EXOC4: variants seen among roughly 807,000 people sequenced by gnomAD.
EXOC4 encodes the protein exocyst complex component 4.
In EXOC4, 71 loss-of-function variants were observed where a neutral mutation model predicts 107.2. That is an observed-to-expected ratio of 0.66 (90% CI 0.55 to 0.81). The LOEUF is 0.81. Ranked by LOEUF, EXOC4 falls within the 30% of genes least tolerant of loss-of-function variation. EXOC4 has a pLI of 0.00. For synonymous variants in EXOC4, 456 were observed against 441.2 expected (o/e 1.03, Z -0.42); for missense variants, 1,108 against 1,189.6 (o/e 0.93, Z 1.01).
At chr7:133,990,768 T>C (rs1174798588) in intron 14 of EXOC4, among the ~76,000 whole-genome samples, 2 of 152,204 alleles carry the variant, frequency 1.3e-5, no homozygotes, top group Non-Finnish European at 2.9e-5. Flanking sequence ...TTTTATTCTT[T>C]TTATGGGTGA....
At chr7:133,782,742 G>A (rs1234941637) in intron 10 of EXOC4, among the ~76,000 whole-genome samples, 1 of 152,102 alleles carries the variant, frequency 6.6e-6, no homozygotes, top group South Asian at 2.1e-4. Flanking sequence ...AATGTTCCTC[G>A]GACCCGGGTA....
intron 10 of EXOC4, among the ~76,000 whole-genome samples, chr7:133,726,125 T>TA (rs937828234): frequency 1.3e-5 from 2 of 152,128 alleles, no homozygotes; most frequent in African/African-American, 4.8e-5. Flanking sequence ...TTGATAGTTA[T>TA]AAAAAATGGT....
chr7:133,403,328 G>A (rs189908373), intron 7 of EXOC4, among the ~76,000 whole-genome samples: 1 of 152,208 alleles, frequency 6.6e-6, no homozygotes, highest in African/African-American at 2.4e-5. Context: ...GACCCTTAAG[G>A]GACTGTAGTC....
intron 14 of EXOC4, among the ~76,000 whole-genome samples, chr7:133,970,724 A>G (rs1204158648): frequency 4.6e-5 from 7 of 151,970 alleles, no homozygotes; most frequent in African/African-American, 1.7e-4. Flanking sequence ...TCAGTTGGAA[A>G]TGCAGAAATC....
intron 10 of EXOC4, among the ~76,000 whole-genome samples, chr7:133,754,239 C>G (rs190790400): frequency 6.6e-6 from 1 of 152,148 alleles, no homozygotes; most frequent in Non-Finnish European, 1.5e-5. Context: ...CCCTGGGCAG[C>G]TGGCGATGGC....
intron 14 of EXOC4, among the ~76,000 whole-genome samples, chr7:133,941,840 T>TCTCTCTCTCTCA (rs1800437655): frequency 6.6e-6 from 1 of 151,858 alleles, no homozygotes; most frequent in South Asian, 2.1e-4. Context: ...TCTCTCTCTC[T>TCTCTCTCTCTCA]CTCTCTCTCT....
intron 14 of EXOC4, among the ~76,000 whole-genome samples, chr7:133,953,490 A>T (rs111931769): frequency 2.0e-3 from 264 of 134,146 alleles, no homozygotes; most frequent in African/African-American, 5.1e-3. Context: ...ACAAAAAAAA[A>T]TTTTTTTTTA....
chr7:134,059,191 G>A (rs1318547584), intron 17 of EXOC4, among the ~76,000 whole-genome samples: 1 of 152,138 alleles, frequency 6.6e-6, no homozygotes, highest in Non-Finnish European at 1.5e-5. Context: ...GAGTTGCCAT[G>A]GGCGGGAATA....
At chr7:133,538,451 T>G (rs1034573063) in intron 9 of EXOC4, among the ~76,000 whole-genome samples, 2 of 152,192 alleles carry the variant, frequency 1.3e-5, no homozygotes, top group Non-Finnish European at 2.9e-5. Flanking sequence ...ATGCATAATA[T>G]TCTTTAACAG....
At chr7:133,659,203 T>C (rs1293791091) in intron 10 of EXOC4, among the ~76,000 whole-genome samples, 2 of 151,952 alleles carry the variant, frequency 1.3e-5, no homozygotes, top group African/African-American at 2.4e-5. Context: ...CTGTATGATA[T>C]AGGGTTGGTT....
At chr7:133,516,750 A>C (rs1409604059) in intron 9 of EXOC4, among the ~76,000 whole-genome samples, 2 of 6,932 alleles carry the variant, frequency 2.9e-4, no homozygotes, top group African/African-American at 5.0e-4. Context: ...CTGCCAAACT[A>C]GCTGCTCATT....
chr7:133,982,564 A>G (rs1213557065), intron 14 of EXOC4, among the ~76,000 whole-genome samples: 1 of 152,084 alleles, frequency 6.6e-6, no homozygotes, highest in Non-Finnish European at 1.5e-5. Flanking sequence ...AAACAAAACA[A>G]AACAAAAAAA....
At chr7:133,451,070 A>G (rs1266405509) in intron 7 of EXOC4, among the ~76,000 whole-genome samples, 3 of 152,194 alleles carry the variant, frequency 2.0e-5, no homozygotes, top group African/African-American at 7.2e-5. Context: ...CCTACTTCCA[A>G]GTAAGCAGAT....
chr7:133,461,050 T>G (rs1223731325), intron 7 of EXOC4, among the ~76,000 whole-genome samples: 2 of 152,178 alleles, frequency 1.3e-5, no homozygotes, highest in Admixed American at 6.5e-5. Context: ...GAGAAGGTTT[T>G]GCGCATGGGT....
intron 10 of EXOC4, among the ~76,000 whole-genome samples, chr7:133,715,439 A>G (rs1585098212): frequency 2.0e-5 from 3 of 151,008 alleles, no homozygotes; most frequent in South Asian, 4.2e-4. Context: ...TTTCTCTGCC[A>G]CCCTCAAAGT....
chr7:133,605,966 T>C (rs1801935752), intron 9 of EXOC4, among the ~76,000 whole-genome samples: 1 of 151,986 alleles, frequency 6.6e-6, no homozygotes. Flanking sequence ...CAAGACAGTA[T>C]AAGGTCCTGG....
At chr7:133,333,112 A>T (rs184258202) in intron 5 of EXOC4, among the ~76,000 whole-genome samples, 1 of 152,224 alleles carries the variant, frequency 6.6e-6, no homozygotes, top group African/African-American at 2.4e-5. Context: ...TTTTTCATTT[A>T]CTAATAGAAT....
At chr7:134,075,952 C>T in the EXOC4 span, among the ~76,000 whole-genome samples, 1 of 152,186 alleles carries the variant, frequency 6.6e-6, no homozygotes, top group East Asian at 1.9e-4. Flanking sequence ...GTAAGAAATA[C>T]ATCTTTGTTG....
chr7:133,941,288 C>T (rs748113750), intron 14 of EXOC4, among the ~76,000 whole-genome samples: 1 of 152,060 alleles, frequency 6.6e-6, no homozygotes, highest in Non-Finnish European at 1.5e-5. Context: ...TGAGCCACTG[C>T]GCCTGGCCGA....
Sources: allele counts gnomAD v4.1 joint callset (sites outside exome capture counted in the v4.1 genomes callset), GRCh38; gene constraint gnomAD v4.1.1; transcripts MANE v1.5; gene names NCBI Gene and HGNC (gene_info 2026-07-23, HGNC 2026-07-21).